The following MTCL2 variants were observed in gnomAD, a reference collection of about 807,000 sequenced individuals.
MTCL2 encodes microtubule cross-linking factor 2.
chr20:36,784,254 G>T, the MTCL2 span: 1 of 986,056 alleles, frequency 1.0e-6, no homozygotes, highest in Non-Finnish European at 1.2e-6. Flanking sequence ...CAGCATCCAA[G>T]AGCGGAACTG....
At chr20:36,811,561 T>C in the MTCL2 span, among the ~76,000 whole-genome samples, 1 of 150,680 alleles carries the variant, frequency 6.6e-6, no homozygotes, top group Non-Finnish European at 1.5e-5. Flanking sequence ...ACTCAGGAAA[T>C]GGAGGTTACA....
chr20:36,777,873 C>T, the MTCL2 span: 1 of 623,788 alleles, frequency 1.6e-6, no homozygotes, highest in Admixed American at 3.6e-5. Flanking sequence ...TTTTTTGGCA[C>T]TGTCTACAAG....
At chr20:36,793,883 T>C in the MTCL2 span, 4 of 1,550,242 alleles carry the variant, frequency 2.6e-6, no homozygotes, top group South Asian at 3.6e-5. This position sits in a 1 kb window ranked among gnomAD's most constrained non-coding sequence, Gnocchi z 6.8. Flanking sequence ...GGCCTTGCCA[T>C]GGAGGCTGCT....
chr20:36,792,302 G>A, the MTCL2 span, among the ~76,000 whole-genome samples: 8 of 152,136 alleles, frequency 5.3e-5, no homozygotes, highest in African/African-American at 1.9e-4. Context: ...GAGGTCGGGA[G>A]TTCGAGACCA....
At chr20:36,784,005 C>T in the MTCL2 span, 39 of 985,644 alleles carry the variant, frequency 4.0e-5, no homozygotes, top group Non-Finnish European at 4.7e-5. Flanking sequence ...AAACCAAGGT[C>T]TGGCTGAGAC....
the MTCL2 span, among the ~76,000 whole-genome samples, chr20:36,834,162 CAA>C: frequency 6.7e-4 from 67 of 100,622 alleles, no homozygotes; most frequent in Middle Eastern, 4.7e-3. Flanking sequence ...GACTTCATCT[CAA>C]AAAAAAAAAA....
the MTCL2 span, chr20:36,793,986 T>C: frequency 6.4e-7 from 1 of 1,551,632 alleles, no homozygotes; most frequent in Non-Finnish European, 8.7e-7. This position sits in a 1 kb window ranked among gnomAD's most constrained non-coding sequence, Gnocchi z 6.8. Flanking sequence ...GATGTGCTCT[T>C]CACTTTCCTC....
At chr20:36,839,060 G>A in the MTCL2 span, among the ~76,000 whole-genome samples, 4 of 152,180 alleles carry the variant, frequency 2.6e-5, no homozygotes, top group African/African-American at 9.7e-5. This position sits in a 1 kb window ranked among gnomAD's most constrained non-coding sequence, Gnocchi z 5.1. Flanking sequence ...AGCCCTGTGG[G>A]TTCACCAGGA....
chr20:36,852,158 C>T, the MTCL2 span, among the ~76,000 whole-genome samples: 2 of 152,202 alleles, frequency 1.3e-5, no homozygotes, highest in Non-Finnish European at 2.9e-5. Flanking sequence ...CTTCACTCTG[C>T]GAGGCAGCAA....
At chr20:36,810,423 AAT>A in the MTCL2 span, among the ~76,000 whole-genome samples, 1 of 152,208 alleles carries the variant, frequency 6.6e-6, no homozygotes, top group Non-Finnish European at 1.5e-5. Flanking sequence ...TTATAATTGC[AAT>A]ATTTTAGAAA....
the MTCL2 span, among the ~76,000 whole-genome samples, chr20:36,854,297 C>G: frequency 6.6e-6 from 1 of 152,174 alleles, no homozygotes; most frequent in Admixed American, 6.5e-5. Context: ...AAAGGTGGGG[C>G]AGTGATGGCA....
At chr20:36,789,065 C>T in the MTCL2 span, among the ~76,000 whole-genome samples, 1 of 152,148 alleles carries the variant, frequency 6.6e-6, no homozygotes, top group Non-Finnish European at 1.5e-5. Flanking sequence ...CCACTGCGCC[C>T]AGCCTCTTTT....
the MTCL2 span, among the ~76,000 whole-genome samples, chr20:36,836,987 A>C: frequency 6.6e-6 from 1 of 152,178 alleles, no homozygotes; most frequent in Non-Finnish European, 1.5e-5. Context: ...TCCACTGGAA[A>C]GGCTATAGGG....
the MTCL2 span, among the ~76,000 whole-genome samples, chr20:36,789,517 C>T: frequency 0.016 from 2,489 of 152,044 alleles, 59 homozygotes; most frequent in African/African-American, 0.057. Flanking sequence ...AAAAAGTAGC[C>T]GGGCGTGGTG....
chr20:36,843,565 C>T, the MTCL2 span, among the ~76,000 whole-genome samples: 3 of 152,206 alleles, frequency 2.0e-5, no homozygotes, highest in South Asian at 2.1e-4. Flanking sequence ...AGGATCCACG[C>T]GCTGTTTCAG....
chr20:36,805,874 C>A, the MTCL2 span: 5 of 1,612,432 alleles, frequency 3.1e-6, no homozygotes, highest in Non-Finnish European at 3.4e-6. Context: ...TCCAGCTGTC[C>A]CCCGTGCAGG....
At chr20:36,822,030 C>T in the MTCL2 span, among the ~76,000 whole-genome samples, 18 of 152,346 alleles carry the variant, frequency 1.2e-4, no homozygotes, top group Non-Finnish European at 2.2e-4. Context: ...GCAGAGGAGA[C>T]GAGTTCCACC....
chr20:36,822,983 T>C, the MTCL2 span, among the ~76,000 whole-genome samples: 1 of 152,262 alleles, frequency 6.6e-6, no homozygotes, highest in African/African-American at 2.4e-5. Context: ...GGTCTCGAAC[T>C]CCTGAACCCA....
the MTCL2 span, among the ~76,000 whole-genome samples, chr20:36,843,049 G>T: frequency 6.6e-6 from 1 of 152,284 alleles, no homozygotes; most frequent in South Asian, 2.1e-4. Context: ...TGGGAGGAGG[G>T]AGTGTCCACT....
Sources: allele counts gnomAD v4.1 joint callset (sites outside exome capture counted in the v4.1 genomes callset), GRCh38; gene constraint gnomAD v4.1.1; non-coding constraint Gnocchi (gnomAD v3.1); transcripts MANE v1.5; gene names NCBI Gene and HGNC (gene_info 2026-07-23, HGNC 2026-07-21).